The following CSMD1 variants were observed in gnomAD, a reference collection of about 807,000 sequenced individuals.
The protein encoded by CSMD1 is CUB and Sushi multiple domains 1.
CSMD1 carries 213 observed loss-of-function variants against 417.5 expected under a neutral mutation model. That is an observed-to-expected ratio of 0.51 (90% CI 0.46 to 0.57). The LOEUF (loss-of-function observed/expected upper bound fraction) is 0.57. Among genes scored for constraint, CSMD1 ranks in the 20% least tolerant of loss-of-function variants. The pLI is 0.00. For missense variants in CSMD1, 6,923 were observed against 4,529.7 expected (o/e 1.53, Z -15.17); for synonymous variants, 2,862 against 1,736.8 (o/e 1.65, Z -16.11).
At chr8:2,988,064 T>A (rs1187376487) in intron 54 of CSMD1, among the ~76,000 whole-genome samples, 1 of 152,214 alleles carries the variant, frequency 6.6e-6, no homozygotes, top group Non-Finnish European at 1.5e-5. Flanking sequence ...AATAACTATT[T>A]TAGCTATTTT....
intron 8 of CSMD1, among the ~76,000 whole-genome samples, chr8:3,606,122 A>T (rs1801599621): frequency 6.6e-6 from 1 of 152,220 alleles, no homozygotes; most frequent in Non-Finnish European, 1.5e-5. Flanking sequence ...AAATGACAAG[A>T]AGCTGGGTGT....
intron 5 of CSMD1, among the ~76,000 whole-genome samples, chr8:3,923,063 G>T (rs1281777329): frequency 6.6e-6 from 1 of 152,106 alleles, no homozygotes; most frequent in African/African-American, 2.4e-5. Flanking sequence ...TGACCCTTTT[G>T]TGTTCCTGGA....
chr8:3,155,040 CATAACTT>C (rs1276116267), intron 39 of CSMD1, among the ~76,000 whole-genome samples: 1 of 152,042 alleles, frequency 6.6e-6, no homozygotes, highest in African/African-American at 2.4e-5. Context: ...CAGAAGTTGA[CATAACTT>C]AAACATGTGC....
intron 3 of CSMD1, among the ~76,000 whole-genome samples, chr8:4,300,642 T>C (rs2128872944): frequency 6.6e-6 from 1 of 152,324 alleles, no homozygotes; most frequent in South Asian, 2.1e-4. Context: ...CATTAACTCG[T>C]CATTTAGCAT....
intron 26 of CSMD1, among the ~76,000 whole-genome samples, chr8:3,260,622 C>T (rs887506713): frequency 4.6e-5 from 7 of 151,246 alleles, no homozygotes; most frequent in African/African-American, 1.5e-4. Context: ...GGCTCCAGTG[C>T]TTAGGGAGAG....
At chr8:3,947,328 T>G (rs539425941) in intron 5 of CSMD1, among the ~76,000 whole-genome samples, 1 of 152,326 alleles carries the variant, frequency 6.6e-6, no homozygotes, top group African/African-American at 2.4e-5. Flanking sequence ...GATTATGAAT[T>G]ACAATGATTT....
At chr8:4,795,406 G>C (rs1180265529) in intron 1 of CSMD1, among the ~76,000 whole-genome samples, 1 of 151,134 alleles carries the variant, frequency 6.6e-6, no homozygotes, top group Non-Finnish European at 1.5e-5. Context: ...CGAGTAGCTG[G>C]GATTACAGGT....
chr8:3,758,704 G>A (rs557252849), intron 5 of CSMD1, among the ~76,000 whole-genome samples: 1 of 152,188 alleles, frequency 6.6e-6, no homozygotes, highest in Non-Finnish European at 1.5e-5. Flanking sequence ...CTTTGTGGGA[G>A]GCAGAATCAT....
At chr8:4,538,703 A>C (rs1344809597) in intron 2 of CSMD1, among the ~76,000 whole-genome samples, 1 of 152,206 alleles carries the variant, frequency 6.6e-6, no homozygotes, top group Non-Finnish European at 1.5e-5. Flanking sequence ...CCTGGATAAG[A>C]CACTTGTCAT....
chr8:4,075,164 A>G (rs557520774), intron 3 of CSMD1, among the ~76,000 whole-genome samples: 1 of 152,348 alleles, frequency 6.6e-6, no homozygotes, highest in South Asian at 2.1e-4. Flanking sequence ...AAATTTTGCT[A>G]AGCTGAAAAT....
intron 1 of CSMD1, among the ~76,000 whole-genome samples, chr8:4,698,139 T>C (rs1449390744): frequency 2.0e-5 from 3 of 151,722 alleles, no homozygotes; most frequent in Admixed American, 2.0e-4. Flanking sequence ...TACTGGGTTT[T>C]TTTTTTTTTT....
At chr8:4,504,399 A>C (rs922650104) in intron 2 of CSMD1, among the ~76,000 whole-genome samples, 7 of 152,210 alleles carry the variant, frequency 4.6e-5, no homozygotes, top group Non-Finnish European at 7.3e-5. Context: ...AGATCCGATG[A>C]ACAACATTGT....
At chr8:3,425,243 G>A (rs765141975) in intron 12 of CSMD1, among the ~76,000 whole-genome samples, 1 of 152,156 alleles carries the variant, frequency 6.6e-6, no homozygotes, top group Non-Finnish European at 1.5e-5. Flanking sequence ...GGCATCCACT[G>A]GGGGACTTAG....
intron 2 of CSMD1, among the ~76,000 whole-genome samples, chr8:4,559,514 G>C (rs1798236083): frequency 6.6e-6 from 1 of 152,084 alleles, no homozygotes; most frequent in South Asian, 2.1e-4. Context: ...GAGAGACGAG[G>C]GTTCATATTA....
intron 8 of CSMD1, among the ~76,000 whole-genome samples, chr8:3,604,852 AG>A (rs997020926): frequency 6.6e-6 from 1 of 152,142 alleles, no homozygotes; most frequent in Non-Finnish European, 1.5e-5. Flanking sequence ...AGAGTTATCT[AG>A]GGGGCTCTAG....
At chr8:4,457,767 C>A (rs1799576456) in intron 2 of CSMD1, among the ~76,000 whole-genome samples, 1 of 152,174 alleles carries the variant, frequency 6.6e-6, no homozygotes, top group African/African-American at 2.4e-5. Flanking sequence ...GACACCTCTT[C>A]ACTGGCTGCT....
chr8:4,633,817 TC>T (rs1489957547), intron 2 of CSMD1, among the ~76,000 whole-genome samples: 1 of 152,084 alleles, frequency 6.6e-6, no homozygotes, highest in Non-Finnish European at 1.5e-5. Flanking sequence ...CGCCTTAGCC[TC>T]CCAAATTGCT....
intron 1 of CSMD1, among the ~76,000 whole-genome samples, chr8:4,830,019 T>C (rs1313700471): frequency 6.6e-6 from 1 of 152,196 alleles, no homozygotes; most frequent in Non-Finnish European, 1.5e-5. Context: ...GAACTGCCTG[T>C]CCTTCTCTAA....
chr8:3,397,305 T>A (rs1250013495), intron 16 of CSMD1, among the ~76,000 whole-genome samples: 1 of 152,150 alleles, frequency 6.6e-6, no homozygotes, highest in East Asian at 1.9e-4. Flanking sequence ...ATGTTGCTGA[T>A]GAATTGGGAG....
Sources: gnomAD v4.1 joint callset for allele counts (sites outside exome capture counted in the v4.1 genomes callset) on GRCh38, gnomAD v4.1.1 for gene constraint, MANE v1.5 for transcripts, NCBI Gene and HGNC (gene_info 2026-07-23, HGNC 2026-07-21) for gene names.